Variants in DOK4 observed in about 807,000 individuals in gnomAD.
DOK4 encodes the protein docking protein 4, also known as downstream of tyrosine kinase 4.
Under a neutral mutation model 40.1 loss-of-function variants are expected in DOK4, and 26 were observed. The observed-to-expected ratio is 0.65, with a 90% confidence interval of 0.48 to 0.90. The LOEUF is 0.90. Ranked by LOEUF, DOK4 falls within the 40% of genes least tolerant of loss-of-function variation. The pLI is 0.00. For synonymous variants in DOK4, 179 were observed against 177.0 expected, an observed-to-expected ratio of 1.01 and a Z score of -0.09; for missense variants, 392 against 437.2, an observed-to-expected ratio of 0.90 and a Z score of 0.92.
chr16:57,475,063 C>T (rs754921326), intron 5 of DOK4, 37 bp downstream of exon 5: 38 of 1,601,858 alleles, frequency 2.4e-5, no homozygotes, highest in Middle Eastern at 1.7e-4. Flanking sequence ...TCTTCCTCCT[C>T]CCCCTCCCCA....
exon 9 of DOK4, chr16:57,472,772 G>C (rs1340352728): frequency 6.6e-6 from 1 of 152,650 alleles, no homozygotes; most frequent in African/African-American, 2.4e-5. Flanking sequence ...TGTCACCTCT[G>C]CTTAAAACTC....
At chr16:57,474,903 G>A in exon 6 of DOK4, 6 of 1,614,148 alleles carry the variant, frequency 3.7e-6, no homozygotes, top group East Asian at 2.2e-5. Flanking sequence ...AGAGGTAGAT[G>A]TTCTCGTGGG....
At chr16:57,478,672 GT>G (rs2031292358) in intron 2 of DOK4, 1 of 152,534 alleles carries the variant, frequency 6.6e-6, no homozygotes. Flanking sequence ...TCTACAGAGG[GT>G]AGGACAGGAT....
At chr16:57,473,431 TAGC>T in exon 9 of DOK4, 2 of 1,614,194 alleles carry the variant, frequency 1.2e-6, no homozygotes, top group Non-Finnish European at 1.7e-6. Flanking sequence ...GCTTTGGCTT[TAGC>T]AGGATGAATC....
At chr16:57,473,005 C>T (rs560098193) in exon 9 of DOK4, 9 of 212,508 alleles carry the variant, frequency 4.2e-5, no homozygotes, top group Middle Eastern at 1.8e-3. Context: ...AGGATGGACA[C>T]GACTGCACTC....
chr16:57,474,108 C>T, intron 6 of DOK4, 69 bp from the exon 7 acceptor site: 2 of 1,592,828 alleles, frequency 1.3e-6, no homozygotes, highest in Non-Finnish European at 8.6e-7. Context: ...TAGTTAGGCT[C>T]TCTTGCAACT....
chr16:57,482,300 C>T (rs1001527623), intron 1 of DOK4, among the ~76,000 whole-genome samples: 12 of 151,664 alleles, frequency 7.9e-5, no homozygotes, highest in Admixed American at 7.2e-4. Context: ...TAGCTGGGAC[C>T]GCAGGTACAT....
exon 9 of DOK4, chr16:57,473,287 C>G (rs1331168929): frequency 1.3e-6 from 2 of 1,490,350 alleles, no homozygotes; most frequent in African/African-American, 1.4e-5. Flanking sequence ...GGCTCTTGGC[C>G]GACAGCCCCC....
intron 2 of DOK4, among the ~76,000 whole-genome samples, chr16:57,476,909 T>C (rs2031204458): frequency 6.6e-6 from 1 of 152,046 alleles, no homozygotes; most frequent in Admixed American, 6.5e-5. Flanking sequence ...GGAGAGGGAG[T>C]TGGCCCCAGC....
chr16:57,473,566 CCA>C, intron 8 of DOK4, 45 bp downstream of exon 8: 2 of 1,614,236 alleles, frequency 1.2e-6, no homozygotes, highest in Non-Finnish European at 1.7e-6. Context: ...GCCTCATCCT[CCA>C]CAAAGCCTCC....
chr16:57,484,612 C>T (rs1171261709), intron 1 of DOK4, among the ~76,000 whole-genome samples: 1 of 152,212 alleles, frequency 6.6e-6, no homozygotes, highest in Non-Finnish European at 1.5e-5. Flanking sequence ...CTCTGGTTCT[C>T]CTGGGTCCCC....
chr16:57,483,021 G>A (rs375292241), intron 1 of DOK4, among the ~76,000 whole-genome samples: 5 of 152,170 alleles, frequency 3.3e-5, no homozygotes, highest in Admixed American at 1.3e-4. Flanking sequence ...TGACCTTCAC[G>A]GGGAAGGCTG....
intron 2 of DOK4, among the ~76,000 whole-genome samples, chr16:57,477,125 G>A (rs2031215045): frequency 2.0e-5 from 3 of 152,220 alleles, no homozygotes; most frequent in Non-Finnish European, 4.4e-5. Context: ...AGGAGGCCAG[G>A]GGGCCTCTAG....
At position 57,473,283 on chromosome 16, in the gene DOK4, T is replaced by A. The variant is rs555742187; in HGVS notation, c.*94A>T. The A allele has an allele frequency of 2.0e-6, 3 of 1,485,492 alleles. No individual in the cohort carries two copies. The East Asian group carries it at 7.0e-5, about 35-fold the overall frequency. The allele number at this position is 1,485,492 out of a possible 1,614,324, so 92.0% of individuals were successfully genotyped here. ...AGCTTGCTCCCTTTCTCCAGGCTCT[T>A]GGCCGACAGCCCCCTGAGGCTGTCC... On this transcript the variant is annotated 3_prime_UTR_variant, in exon 9 of 9. Transcript: ENST00000340099.
chr16:57,476,088 C>A (rs1210472282), intron 2 of DOK4, 131 bp from the exon 3 acceptor site: 2 of 738,298 alleles, frequency 2.7e-6, no homozygotes, highest in African/African-American at 3.5e-5. Context: ...AGCCTGGGGA[C>A]ACCGGGGGTG....
At position 57,479,736 on chromosome 16, in the gene DOK4, T is replaced by C. The variant is rs561198783; in HGVS notation, c.-181-48A>G. 4 of 466,910 alleles carry C rather than the reference T, an allele frequency of 8.6e-6. No individual in the cohort carries two copies. Among genetic ancestry groups the C allele is most frequent in the African/African-American group, 6.0e-5 (3 of 49,836 alleles). The allele number at this position is 466,910 out of a possible 1,614,324, so 28.9% of individuals were successfully genotyped here. On this transcript the variant is annotated intron_variant, in intron 1 of 8. Coordinates refer to ENST00000340099, the Ensembl canonical transcript of DOK4. The surrounding 1 kb of genome is among the most constrained non-coding windows in gnomAD (Gnocchi z 5.8). The stretch of plus-strand genomic sequence containing the variant: ...GATTAGAGACAGTGACATCTTTCTC[T>C]TCCTCTCGCTGTCTCGCTCTCTTTT...
In DOK4 at chr16:57,479,522, T is replaced by G. The variant is rs2031336603; in HGVS notation, c.-15A>C. ...TTGGTCGCCATGGTTTTCCCACCTT[T>G]TAGGGGCGCGGGGCCTGGCAGAGGC... On this transcript the variant is annotated 5_prime_UTR_variant, in exon 2 of 9. Transcript: ENST00000340099. The surrounding 1 kb of genome is among the most constrained non-coding windows in gnomAD (Gnocchi z 5.8). The G allele has an allele frequency of 1.9e-6, 3 of 1,612,740 alleles. No homozygotes were observed. Among genetic ancestry groups the G allele is most frequent in the Admixed American group, 1.7e-5 (1 of 59,980 alleles).
In DOK4 at chr16:57,475,508, G is replaced by T; in HGVS notation, c.287C>A (p.Ser96Ter). The stretch of plus-strand genomic sequence containing the variant: ...GGAGGCCCATACTCGCGCCTCACCT[G>T]AGTCGCAGGTGAAGGTACGTGCCGA... The change falls in exon 4 of 9, where the codon TCA (serine) becomes TAA (stop). Residue 96 changes from serine to a stop codon, truncating the protein, a stop_gained and splice_region_variant. Coordinates refer to ENST00000340099, the Ensembl canonical transcript of DOK4. LOFTEE classifies it high-confidence loss of function. The T allele has an allele frequency of 6.2e-7, 1 of 1,604,158 alleles. No individual in the cohort carries two copies.
At chr16:57,474,280 C>G (rs1598049329) in intron 6 of DOK4, among the ~76,000 whole-genome samples, 1 of 152,210 alleles carries the variant, frequency 6.6e-6, no homozygotes, top group African/African-American at 2.4e-5. Context: ...TCCCTCTGGT[C>G]TCTGTACCAT....
Sources: allele counts gnomAD v4.1 joint callset (sites outside exome capture counted in the v4.1 genomes callset), GRCh38; gene constraint gnomAD v4.1.1; non-coding constraint Gnocchi (gnomAD v3.1); transcripts MANE v1.5; gene names NCBI Gene and HGNC (gene_info 2026-07-23, HGNC 2026-07-21).